The following OTUD7A variants were observed in gnomAD, a reference collection of about 807,000 sequenced individuals.
OTUD7A encodes the protein OTU deubiquitinase 7A.
OTUD7A carries 12 observed loss-of-function variants against 65.7 expected under a neutral mutation model. That is an observed-to-expected ratio of 0.18 (90% CI 0.12 to 0.30). The LOEUF (loss-of-function observed/expected upper bound fraction) is 0.30, where lower values mean the gene tolerates loss of function less well. Ranked by LOEUF, OTUD7A falls within the 10% of genes least tolerant of loss-of-function variation. The pLI, the probability that OTUD7A is intolerant of heterozygous loss-of-function variation, is 1.00. For missense variants in OTUD7A, 1,148 were observed against 1,304.8 expected, an observed-to-expected ratio of 0.88 and a Z score of 1.85; for synonymous variants, 641 against 586.3, an observed-to-expected ratio of 1.09 and a Z score of -1.35.
At chr15:31,817,141 T>C (rs1249071515) in intron 1 of OTUD7A, among the ~76,000 whole-genome samples, 1 of 152,110 alleles carries the variant, frequency 6.6e-6, no homozygotes, top group East Asian at 1.9e-4. Flanking sequence ...CCCTGGGTCC[T>C]CTGCTTGATA....
At chr15:31,733,884 C>T (rs1423295714) in intron 1 of OTUD7A, among the ~76,000 whole-genome samples, 1 of 152,096 alleles carries the variant, frequency 6.6e-6, no homozygotes, top group Non-Finnish European at 1.5e-5. Flanking sequence ...TCAGAGGATG[C>T]CTGAAAGCTA....
intron 1 of OTUD7A, chr15:31,768,283 C>A: frequency 1.4e-6 from 1 of 721,188 alleles, no homozygotes; most frequent in East Asian, 2.5e-5. Context: ...CGAGTCTCGG[C>A]ACAACCATTG....
At chr15:31,497,254 A>ATT (rs35331601) in intron 10 of OTUD7A, among the ~76,000 whole-genome samples, 21 of 148,264 alleles carry the variant, frequency 1.4e-4, no homozygotes, top group African/African-American at 4.5e-4. Context: ...TTATATGTTA[A>ATT]TTTTTTTTTT....
chr15:31,739,309 A>G (rs1271035328), intron 1 of OTUD7A, among the ~76,000 whole-genome samples: 4 of 152,184 alleles, frequency 2.6e-5, no homozygotes, highest in African/African-American at 9.7e-5. Flanking sequence ...GTCCAATGCT[A>G]AAAGTATTGG....
chr15:31,503,287 CTTCCT>C (rs1402798079), intron 9 of OTUD7A, among the ~76,000 whole-genome samples: 2 of 150,588 alleles, frequency 1.3e-5, no homozygotes, highest in Non-Finnish European at 2.9e-5. Context: ...TGCATTCTGT[CTTCCT>C]TTCTTTTTAG....
At chr15:31,788,101 T>G (rs1426800889) in intron 1 of OTUD7A, among the ~76,000 whole-genome samples, 1 of 152,224 alleles carries the variant, frequency 6.6e-6, no homozygotes, top group Admixed American at 6.5e-5. Context: ...TGGGTTCTCT[T>G]GCATTTCTAG....
intron 1 of OTUD7A, among the ~76,000 whole-genome samples, chr15:31,659,063 AT>A (rs2141282283): frequency 7.3e-6 from 1 of 136,776 alleles, no homozygotes; most frequent in Admixed American, 7.4e-5. Context: ...AAATAAATAA[AT>A]AAATAAATAA....
At chr15:31,486,725 C>T (rs1275657536) in intron 12 of OTUD7A, among the ~76,000 whole-genome samples, 1 of 152,246 alleles carries the variant, frequency 6.6e-6, no homozygotes, top group African/African-American at 2.4e-5. Flanking sequence ...CGAGGAATCG[C>T]GCTCTCAGTT....
chr15:31,736,253 C>A (rs184623603), intron 1 of OTUD7A, among the ~76,000 whole-genome samples: 1 of 152,064 alleles, frequency 6.6e-6, no homozygotes, highest in African/African-American at 2.4e-5. Flanking sequence ...GCAGTGAACA[C>A]GTTTACACTT....
At chr15:31,831,044 T>G (rs1896917288) in intron 1 of OTUD7A, among the ~76,000 whole-genome samples, 1 of 152,210 alleles carries the variant, frequency 6.6e-6, no homozygotes, top group Non-Finnish European at 1.5e-5. Context: ...AAGGCACCAC[T>G]ATAATTCGTC....
intron 8 of OTUD7A, among the ~76,000 whole-genome samples, chr15:31,518,443 AG>A (rs2041892246): frequency 1.3e-5 from 2 of 152,020 alleles, no homozygotes. Flanking sequence ...ACTGCATTCT[AG>A]CCTGGGTGAC....
At chr15:31,671,205 G>A (rs1892476425) in intron 1 of OTUD7A, among the ~76,000 whole-genome samples, 1 of 152,162 alleles carries the variant, frequency 6.6e-6, no homozygotes, top group Non-Finnish European at 1.5e-5. Flanking sequence ...ATAGTTTTGG[G>A]TTTTACATTT....
At chr15:31,749,439 C>T (rs558393050) in intron 1 of OTUD7A, among the ~76,000 whole-genome samples, 1 of 152,288 alleles carries the variant, frequency 6.6e-6, no homozygotes, top group Non-Finnish European at 1.5e-5. Context: ...CATGAGCCAA[C>T]AACGCCACAT....
At chr15:31,632,944 T>A (rs572122510) in intron 3 of OTUD7A, among the ~76,000 whole-genome samples, 1 of 152,356 alleles carries the variant, frequency 6.6e-6, no homozygotes, top group South Asian at 2.1e-4. Context: ...TATAATCTCC[T>A]GGTGTGCCGT....
At position 31,487,284 on chromosome 15, in the gene OTUD7A, A is replaced by G. The variant is rs2041251146; in HGVS notation, c.1287-6T>C. 1 of 1,613,636 alleles carries G rather than the reference A, an allele frequency of 6.2e-7. No individual in the cohort carries two copies. Among genetic ancestry groups the G allele is most frequent in the South Asian group, 1.1e-5 (1 of 91,072 alleles). The stretch of plus-strand genomic sequence containing the variant: ...CTTCTAGCGACAGGATAAGGCTGGC[A>G]AGAGAAGAATATCCTATTGAAATGG... On this transcript the variant is annotated splice_polypyrimidine_tract_variant and splice_region_variant and intron_variant, in intron 11 of 12. Coordinates refer to ENST00000307050, the MANE Select transcript of OTUD7A (RefSeq NM_001382637.1). This position sits in a 1 kb window ranked among gnomAD's most constrained non-coding sequence, Gnocchi z 6.0.
At chr15:31,585,727 CATATGTGTATACAT>C (rs1340754948) in intron 3 of OTUD7A, among the ~76,000 whole-genome samples, 13 of 152,258 alleles carry the variant, frequency 8.5e-5, no homozygotes, top group African/African-American at 2.9e-4. Flanking sequence ...CGGCTGTATT[CATATGTGTATACAT>C]ATATGTGTAT....
At chr15:31,849,137 A>G (rs996334195) in intron 1 of OTUD7A, among the ~76,000 whole-genome samples, 1 of 152,174 alleles carries the variant, frequency 6.6e-6, no homozygotes, top group African/African-American at 2.4e-5. Flanking sequence ...TCTGGCTGCT[A>G]CCTGACTTTG....
intron 1 of OTUD7A, among the ~76,000 whole-genome samples, chr15:31,727,704 T>C (rs1460770540): frequency 6.6e-6 from 1 of 152,204 alleles, no homozygotes; most frequent in Non-Finnish European, 1.5e-5. Flanking sequence ...CTGTTACCAA[T>C]ACTGTGGGTG....
At chr15:31,788,771 T>C (rs1188540602) in intron 1 of OTUD7A, among the ~76,000 whole-genome samples, 2 of 152,110 alleles carry the variant, frequency 1.3e-5, no homozygotes, top group East Asian at 3.9e-4. Flanking sequence ...TTGAGAAAGG[T>C]ACCCCAAAGC....
Sources: allele counts gnomAD v4.1 joint callset (sites outside exome capture counted in the v4.1 genomes callset), GRCh38; gene constraint gnomAD v4.1.1; non-coding constraint Gnocchi (gnomAD v3.1); transcripts MANE v1.5; gene names NCBI Gene and HGNC (gene_info 2026-07-23, HGNC 2026-07-21).